The following EXT2 variants were observed in gnomAD, a reference collection of about 807,000 sequenced individuals.
The protein encoded by EXT2 is exostosin-2.
A neutral mutation model predicts 81.6 loss-of-function variants in EXT2; 53 were observed. That is an observed-to-expected ratio of 0.65 (90% CI 0.52 to 0.82). The LOEUF (loss-of-function observed/expected upper bound fraction) is 0.82. Ranked by LOEUF, EXT2 falls within the 40% of genes least tolerant of loss-of-function variation. The pLI is 0.00. For synonymous variants in EXT2, 320 were observed against 340.0 expected, an observed-to-expected ratio of 0.94 and a Z score of 0.65; for missense variants, 774 against 910.2, an observed-to-expected ratio of 0.85 and a Z score of 1.93.
chr11:44,215,019 C>T (rs1283259743), intron 10 of EXT2, among the ~76,000 whole-genome samples: 2 of 152,130 alleles, frequency 1.3e-5, no homozygotes, highest in Non-Finnish European at 2.9e-5. Context: ...CCTCGGCCTC[C>T]CAAAGCACTG....
intron 9 of EXT2, among the ~76,000 whole-genome samples, chr11:44,204,385 G>A (rs1234577258): frequency 1.3e-5 from 2 of 152,188 alleles, no homozygotes; most frequent in African/African-American, 4.8e-5. Context: ...ATGTGTTTGT[G>A]TGTGTGTGTG....
intron 8 of EXT2, among the ~76,000 whole-genome samples, chr11:44,182,969 A>G (rs1258399652): frequency 2.0e-5 from 3 of 152,190 alleles, no homozygotes; most frequent in Non-Finnish European, 2.9e-5. Flanking sequence ...TGAAGAGCAC[A>G]TGTATTTCTG....
chr11:44,108,315 A>G, intron 2 of EXT2, 67 bp downstream of exon 2: 2 of 1,535,046 alleles, frequency 1.3e-6, no homozygotes, highest in Non-Finnish European at 8.9e-7. Context: ...ACTAAAGGGA[A>G]GGGAAGGATG....
chr11:44,153,871 C>A (rs1954824484), intron 7 of EXT2, among the ~76,000 whole-genome samples: 2 of 151,452 alleles, frequency 1.3e-5, no homozygotes, highest in Non-Finnish European at 2.9e-5. Flanking sequence ...CTCACTTGAT[C>A]ATGGTGTTTA....
In EXT2 at chr11:44,223,047, T is replaced by C. The variant is rs35865090; in HGVS notation, c.1663-9306T>C. 8.5e-4 allele frequency among the ~76,000 whole-genome samples: 130 copies of C among 152,306 alleles called. 1 individual carries two copies. The highest frequency in any genetic ancestry group is 1.9e-3 in the South Asian group (9 of 4,834). ...AGATGTTCAGTATCATTAACTATTA[T>C]GGAAATGCAAAATAAAACTGCAATG... is the stretch of plus-strand genomic sequence containing the variant. On this transcript the variant is annotated intron_variant, in intron 10 of 13. Transcript: ENST00000533608.
intron 7 of EXT2, among the ~76,000 whole-genome samples, chr11:44,137,116 A>G (rs1437483600): frequency 3.3e-5 from 5 of 152,240 alleles, no homozygotes; most frequent in Non-Finnish European, 5.9e-5. Context: ...GAATTCTTAA[A>G]GAAGACCATT....
At chr11:44,178,883 AG>A (rs1955195728) in intron 8 of EXT2, among the ~76,000 whole-genome samples, 2 of 152,206 alleles carry the variant, frequency 1.3e-5, no homozygotes, top group African/African-American at 4.8e-5. Context: ...TTGTTTTTAT[AG>A]GTATCACATT....
intron 13 of EXT2, among the ~76,000 whole-genome samples, chr11:44,240,035 C>T (rs1459322240): frequency 6.6e-6 from 1 of 152,088 alleles, no homozygotes; most frequent in South Asian, 2.1e-4. Flanking sequence ...ATAGTTGTTA[C>T]ATGGCATTGT....
At position 44,096,230 on chromosome 11, in the gene EXT2, G is replaced by T. The variant is rs1267663341; in HGVS notation, c.-31+378G>T. 9.8e-6 allele frequency: 15 copies of T among 1,535,778 alleles called. No individual in the cohort carries two copies. In the South Asian group the frequency reaches 1.8e-4, roughly 18 times the overall value. On this transcript the variant is annotated intron_variant, in intron 1 of 13. Transcript: ENST00000533608. ...TGCTGCCACCTTCCCGCCAGCCACAGGGATCTGATTCCTCCCAGGGGGATG... is the reference window on the plus strand; with the variant it reads ...TGCTGCCACCTTCCCGCCAGCCACATGGATCTGATTCCTCCCAGGGGGATG...
rs563411006 is a variant in EXT2 at position 44,250,575 on chromosome 11, G to A, written c.*6288G>A. ...GATCCTATCTGGCCCCGTCAGGGTG[G>A]ATTACCAAATGAGCAGTTCTCTTGC... On this transcript the variant is annotated 3_prime_UTR_variant, in exon 14 of 14. Coordinates refer to ENST00000533608, the MANE Select transcript of EXT2 (RefSeq NM_207122.2). Among the ~76,000 whole-genome samples the A allele has an allele frequency of 1.3e-5, 2 of 152,340 alleles. No homozygotes were observed. The highest frequency in any genetic ancestry group is 4.1e-4 in the South Asian group (2 of 4,820).
intron 1 of EXT2, among the ~76,000 whole-genome samples, chr11:44,098,737 C>T (rs1305206100): frequency 6.8e-6 from 1 of 147,504 alleles, no homozygotes; most frequent in East Asian, 2.0e-4. Context: ...AGTAATGGTG[C>T]TCTTTGGATG....
chr11:44,143,314 A>C (rs1333612900), intron 7 of EXT2, among the ~76,000 whole-genome samples: 1 of 152,230 alleles, frequency 6.6e-6, no homozygotes, highest in Non-Finnish European at 1.5e-5. Flanking sequence ...AATCTTCTCC[A>C]GTAGCAACTT....
chr11:44,222,273 C>T (rs138458212), intron 10 of EXT2, among the ~76,000 whole-genome samples: 175 of 152,264 alleles, frequency 1.1e-3, no homozygotes, highest in African/African-American at 4.0e-3. Flanking sequence ...CTCACAACCA[C>T]GGCCACTAAA....
At chr11:44,244,119 TC>T in intron 13 of EXT2, 29 bp from the exon 14 acceptor site, 1 of 1,612,196 alleles carries the variant, frequency 6.2e-7, no homozygotes, top group South Asian at 1.1e-5. Context: ...CTCAAACCCC[TC>T]CTCCCCACCT....
intron 8 of EXT2, among the ~76,000 whole-genome samples, chr11:44,179,067 A>T (rs1031503690): frequency 6.6e-6 from 1 of 152,174 alleles, no homozygotes; most frequent in Non-Finnish European, 1.5e-5. Context: ...AGAAAGACAC[A>T]GAGAGCTTGA....
chr11:44,212,843 C>G (rs1161669622), intron 10 of EXT2, among the ~76,000 whole-genome samples: 2 of 152,084 alleles, frequency 1.3e-5, no homozygotes, highest in African/African-American at 4.8e-5. Flanking sequence ...GACTGTATGA[C>G]TCCGTGTATA....
intron 10 of EXT2, among the ~76,000 whole-genome samples, chr11:44,210,758 G>A (rs1955637914): frequency 6.6e-6 from 1 of 152,158 alleles, no homozygotes; most frequent in African/African-American, 2.4e-5. Context: ...ACAACAAAAT[G>A]TGTGCCAGAT....
intron 8 of EXT2, among the ~76,000 whole-genome samples, chr11:44,182,942 C>T (rs369385597): frequency 6.6e-6 from 1 of 152,170 alleles, no homozygotes; most frequent in South Asian, 2.1e-4. Context: ...CTTTTTCTTA[C>T]CTGAAATTGA....
chr11:44,155,257 T>C (rs548078199), intron 7 of EXT2, among the ~76,000 whole-genome samples: 13 of 152,256 alleles, frequency 8.5e-5, no homozygotes, highest in African/African-American at 2.9e-4. Flanking sequence ...CTTTAATCCA[T>C]TTTGATTTGA....
Sources: allele counts gnomAD v4.1 joint callset (sites outside exome capture counted in the v4.1 genomes callset), GRCh38; gene constraint gnomAD v4.1.1; transcripts MANE v1.5; gene names NCBI Gene and HGNC (gene_info 2026-07-23, HGNC 2026-07-21).